The following FBXW11 variants were observed in gnomAD, a reference collection of about 807,000 sequenced individuals.
FBXW11 encodes the protein F-box and WD repeat domain containing 11.
A neutral mutation model predicts 77.6 loss-of-function variants in FBXW11; 19 were observed. The ratio of observed to expected loss-of-function variants is 0.24; its 90% CI spans 0.17 to 0.36. The LOEUF (loss-of-function observed/expected upper bound fraction) is 0.36. FBXW11 is among the 10% of genes least tolerant of loss of function. FBXW11 has a pLI of 1.00. For missense variants in FBXW11, 334 were observed against 704.2 expected, an observed-to-expected ratio of 0.47 and a Z score of 5.95; for synonymous variants, 235 against 249.4, an observed-to-expected ratio of 0.94 and a Z score of 0.54.
chr5:171,930,445 G>A (rs1353815496), intron 2 of FBXW11, among the ~76,000 whole-genome samples: 1 of 152,130 alleles, frequency 6.6e-6, no homozygotes, highest in East Asian at 1.9e-4. Context: ...ACAAGGAAAG[G>A]AAATAAAAAA....
At chr5:171,982,860 G>A (rs1765223521) in intron 1 of FBXW11, among the ~76,000 whole-genome samples, 2 of 152,160 alleles carry the variant, frequency 1.3e-5, no homozygotes, top group African/African-American at 2.4e-5. Context: ...TGCAGAGAGG[G>A]TCCTGCCTTA....
At chr5:171,987,742 C>T (rs1037489149) in intron 1 of FBXW11, among the ~76,000 whole-genome samples, 8 of 152,116 alleles carry the variant, frequency 5.3e-5, no homozygotes, top group African/African-American at 1.4e-4. Context: ...CGTGAGCTAC[C>T]GCGCCCGGCC....
At chr5:171,875,208 A>AAGACT (rs1240156224) in intron 9 of FBXW11, among the ~76,000 whole-genome samples, 9 of 151,984 alleles carry the variant, frequency 5.9e-5, no homozygotes, top group Non-Finnish European at 1.3e-4. Context: ...ACAGGAGTCC[A>AAGACT]AGACTAGTCT....
At chr5:171,893,663 G>A (rs375354555) in intron 6 of FBXW11, among the ~76,000 whole-genome samples, 1 of 152,092 alleles carries the variant, frequency 6.6e-6, no homozygotes, top group East Asian at 1.9e-4. Flanking sequence ...AGATGTACTG[G>A]TAACAAGTCT....
Position 171,998,336 on chromosome 5 carries a change from C to CTTTTTTTTTTTTTTTTTTTTTTT in FBXW11, c.45+8121_45+8122insAAAAAAAAAAAAAAAAAAAAAAA, listed in dbSNP as rs778327855. Among the ~76,000 whole-genome samples, 12 of 114,824 alleles carry CTTTTTTTTTTTTTTTTTTTTTTT rather than the reference C, an allele frequency of 1.0e-4. 2 individuals are homozygous for CTTTTTTTTTTTTTTTTTTTTTTT. The highest frequency in any genetic ancestry group is 5.0e-4 in the African/African-American group (12 of 24,026). The allele number at this position is 114,824 out of a possible 152,430, so 75.3% of individuals were successfully genotyped here. On this transcript the variant is annotated intron_variant, in intron 1 of 13. Coordinates refer to ENST00000517395, the MANE Select transcript of FBXW11 (RefSeq NM_001378974.1). ...ACAGCCCATGATATTTTTTTCTTGT[C>CTTTTTTTTTTTTTTTTTTTTTTT]TTTTTTTTTTTTTTTTTAAGTAGAG... is the stretch of plus-strand genomic sequence containing the variant.
At chr5:171,967,599 G>A (rs1248985323) in intron 1 of FBXW11, among the ~76,000 whole-genome samples, 1 of 152,008 alleles carries the variant, frequency 6.6e-6, no homozygotes, top group East Asian at 1.9e-4. Flanking sequence ...CAGCACTTTG[G>A]GAGGCCGAGG....
chr5:171,928,827 CTTTGGGAGGCCAAGGCA>C (rs2113035172), intron 2 of FBXW11, among the ~76,000 whole-genome samples: 1 of 152,340 alleles, frequency 6.6e-6, no homozygotes, highest in African/African-American at 2.4e-5. Flanking sequence ...AATCCCAGCA[CTTTGGGAGGCCAAGGCA>C]GGCAGATCAC....
chr5:171,899,760 GC>G (rs1190885654), intron 5 of FBXW11, among the ~76,000 whole-genome samples, 153 bp downstream of exon 5: 2 of 152,124 alleles, frequency 1.3e-5, no homozygotes, highest in Non-Finnish European at 2.9e-5. Context: ...AATTTTAACA[GC>G]TTTAACTTTT....
At chr5:171,988,429 C>A (rs750584409) in intron 1 of FBXW11, among the ~76,000 whole-genome samples, 7 of 152,116 alleles carry the variant, frequency 4.6e-5, no homozygotes, top group Non-Finnish European at 1.0e-4. Context: ...AAACCTGAGA[C>A]AATCTGAGCA....
chr5:171,908,608 A>T (rs538390099), intron 4 of FBXW11: 4 of 152,328 alleles, frequency 2.6e-5, no homozygotes, highest in African/African-American at 9.6e-5. Flanking sequence ...AGAAATGAGC[A>T]AGTCATGCTA....
intron 13 of FBXW11, 58 bp downstream of exon 13, chr5:171,868,552 C>T: frequency 6.9e-7 from 1 of 1,440,518 alleles, no homozygotes; most frequent in Non-Finnish European, 9.4e-7. Context: ...CACAAAATTT[C>T]CCCAAAGGGA....
At chr5:171,985,088 A>G (rs1263563552) in intron 1 of FBXW11, among the ~76,000 whole-genome samples, 1 of 152,194 alleles carries the variant, frequency 6.6e-6, no homozygotes, top group Non-Finnish European at 1.5e-5. Context: ...CATCCACTCT[A>G]CATCTAAAAT....
In FBXW11 at chr5:171,967,879, TATATACACAC is replaced by T. The variant is rs1244800510; in HGVS notation, c.46-10191_46-10182del. ...GCATATATATATATATATATATATATATATACACACACACACACACACACACACACACACA... is the reference window on the plus strand; with the variant it reads ...GCATATATATATATATATATATATATACACACACACACACACACACACACA... On this transcript the variant is annotated intron_variant, in intron 1 of 13. Transcript: ENST00000517395. 4.0e-3 allele frequency among the ~76,000 whole-genome samples: 253 copies of T among 62,650 alleles called. 1 individual carries two copies. The highest frequency in any genetic ancestry group is 0.013 in the African/African-American group (240 of 17,926). The allele number at this position is 62,650 out of a possible 152,430, so 41.1% of individuals were successfully genotyped here.
At chr5:171,977,727 G>C (rs1375991251) in intron 1 of FBXW11, 3 of 387,644 alleles carry the variant, frequency 7.7e-6, no homozygotes, top group African/African-American at 6.5e-5. Flanking sequence ...AGCAAAGAGA[G>C]AGAAGCTTGT....
At chr5:171,994,568 C>G (rs1435746801) in intron 1 of FBXW11, among the ~76,000 whole-genome samples, 1 of 151,884 alleles carries the variant, frequency 6.6e-6, no homozygotes, top group Non-Finnish European at 1.5e-5. Flanking sequence ...ACTTCTGATC[C>G]CAAGCATTTT....
At chr5:171,991,794 G>A (rs952723723) in intron 1 of FBXW11, among the ~76,000 whole-genome samples, 20 of 152,160 alleles carry the variant, frequency 1.3e-4, no homozygotes, top group African/African-American at 4.6e-4. Context: ...ATAGCAGGCT[G>A]TAACAAAATT....
At chr5:171,939,406 A>C (rs1043592624) in intron 2 of FBXW11, among the ~76,000 whole-genome samples, 3 of 151,634 alleles carry the variant, frequency 2.0e-5, no homozygotes, top group Admixed American at 2.0e-4. Context: ...TTTAAGAACT[A>C]TAAAGAAATC....
chr5:171,993,918 G>A (rs1765891041), intron 1 of FBXW11, among the ~76,000 whole-genome samples: 1 of 152,136 alleles, frequency 6.6e-6, no homozygotes, highest in Admixed American at 6.5e-5. Context: ...ATATTGAACA[G>A]TGCAGACACT....
At chr5:171,870,682 T>C in intron 11 of FBXW11, 66 bp downstream of exon 11, 1 of 1,214,880 alleles carries the variant, frequency 8.2e-7, no homozygotes. Flanking sequence ...AGTTGCTTAA[T>C]ATATAACATT....
Sources: gnomAD v4.1 joint callset for allele counts (sites outside exome capture counted in the v4.1 genomes callset) on GRCh38, gnomAD v4.1.1 for gene constraint, MANE v1.5 for transcripts, NCBI Gene and HGNC (gene_info 2026-07-23, HGNC 2026-07-21) for gene names.